RPS6KC1: variants seen among roughly 807,000 people sequenced by gnomAD.
RPS6KC1 encodes the protein inactive ribosomal protein S6 kinase delta-1.
In RPS6KC1, 54 loss-of-function variants were observed where a neutral mutation model predicts 103.8. The ratio of observed to expected loss-of-function variants is 0.52; its 90% confidence interval spans 0.42 to 0.65. The LOEUF (loss-of-function observed/expected upper bound fraction) is 0.65, where lower values mean the gene tolerates loss of function less well. Among genes scored for constraint, RPS6KC1 ranks in the 30% least tolerant of loss-of-function variants. The pLI, the probability that RPS6KC1 is intolerant of heterozygous loss-of-function variation, is 0.00. For synonymous variants in RPS6KC1, 439 were observed against 438.7 expected (o/e 1.00, Z -0.01); for missense variants, 1,151 against 1,253.8 (o/e 0.92, Z 1.24).
At chr1:213,833,365 C>T in the RPS6KC1 span, among the ~76,000 whole-genome samples, 3 of 152,242 alleles carry the variant, frequency 2.0e-5, no homozygotes, top group East Asian at 5.8e-4. Context: ...AGTATTATAC[C>T]CTCATTCTCT....
At chr1:213,401,097 A>C in the RPS6KC1 span, among the ~76,000 whole-genome samples, 22 of 152,276 alleles carry the variant, frequency 1.4e-4, no homozygotes, top group Middle Eastern at 6.8e-3. Flanking sequence ...GTCCAGGGCC[A>C]TGCTTAGAGC....
the RPS6KC1 span, among the ~76,000 whole-genome samples, chr1:213,810,096 G>A: frequency 2.0e-4 from 31 of 152,232 alleles, no homozygotes; most frequent in African/African-American, 6.7e-4. Flanking sequence ...TATCATTGCC[G>A]TTGAGAAGCC....
the RPS6KC1 span, among the ~76,000 whole-genome samples, chr1:213,824,803 A>T: frequency 1.3e-5 from 2 of 151,986 alleles, no homozygotes; most frequent in Non-Finnish European, 2.9e-5. Context: ...AGTCCATTAA[A>T]CCCCTTTTTC....
the RPS6KC1 span, among the ~76,000 whole-genome samples, chr1:213,630,948 G>C: frequency 6.6e-6 from 1 of 152,214 alleles, no homozygotes; most frequent in East Asian, 1.9e-4. Flanking sequence ...TTTTGTCTCA[G>C]AGGAGTACCT....
chr1:213,811,243 C>A, the RPS6KC1 span, among the ~76,000 whole-genome samples: 1 of 152,228 alleles, frequency 6.6e-6, no homozygotes, highest in African/African-American at 2.4e-5. Flanking sequence ...TATTCAACAT[C>A]TGTATCTGCT....
At chr1:213,440,571 T>C in the RPS6KC1 span, among the ~76,000 whole-genome samples, 2 of 137,738 alleles carry the variant, frequency 1.5e-5, no homozygotes, top group East Asian at 4.3e-4. Context: ...AAAACAACTT[T>C]AGGTGTACAT....
the RPS6KC1 span, among the ~76,000 whole-genome samples, chr1:213,396,299 T>C: frequency 2.0e-5 from 3 of 152,142 alleles, no homozygotes; most frequent in African/African-American, 7.2e-5. Context: ...AATGTGGGCA[T>C]GGTGGTGTCT....
chr1:213,237,111 G>A (rs982473023), intron 10 of RPS6KC1, among the ~76,000 whole-genome samples: 4 of 151,906 alleles, frequency 2.6e-5, no homozygotes, highest in African/African-American at 9.7e-5. Context: ...ATTGCCTTGA[G>A]CTTGCATTTT....
chr1:213,771,600 T>C, the RPS6KC1 span, among the ~76,000 whole-genome samples: 1 of 152,254 alleles, frequency 6.6e-6, no homozygotes, highest in Admixed American at 6.5e-5. Flanking sequence ...TCTGTAAATA[T>C]TGTTTCATGT....
chr1:213,223,896 C>T (rs1340108493), intron 8 of RPS6KC1, among the ~76,000 whole-genome samples: 7 of 152,172 alleles, frequency 4.6e-5, no homozygotes, highest in Non-Finnish European at 8.8e-5. Flanking sequence ...TAGAGACAGA[C>T]AGTCCCTGAA....
At chr1:213,521,478 G>A in the RPS6KC1 span, among the ~76,000 whole-genome samples, 1 of 152,112 alleles carries the variant, frequency 6.6e-6, no homozygotes, top group East Asian at 1.9e-4. Context: ...GGTGGCTGTG[G>A]CAACTTCGTA....
the RPS6KC1 span, among the ~76,000 whole-genome samples, chr1:213,536,245 A>T: frequency 1.3e-5 from 2 of 152,146 alleles, no homozygotes; most frequent in Admixed American, 1.3e-4. Flanking sequence ...AAGCGGGTGG[A>T]GGATGCTTTT....
At chr1:213,130,917 C>CT (rs986228266) in intron 6 of RPS6KC1, among the ~76,000 whole-genome samples, 61 of 146,898 alleles carry the variant, frequency 4.2e-4, no homozygotes, top group East Asian at 7.9e-4. Context: ...ATCCATCTAC[C>CT]TTTTTTTTTT....
chr1:213,324,549 A>G, the RPS6KC1 span, among the ~76,000 whole-genome samples: 1 of 148,960 alleles, frequency 6.7e-6, no homozygotes, highest in Non-Finnish European at 1.5e-5. Context: ...CAGGCCTAGC[A>G]TGCTAATACA....
chr1:213,188,082 C>T (rs1344912913), intron 8 of RPS6KC1, among the ~76,000 whole-genome samples: 1 of 152,070 alleles, frequency 6.6e-6, no homozygotes, highest in Non-Finnish European at 1.5e-5. Context: ...GATTGGGCAT[C>T]TCTGTTTGCT....
the RPS6KC1 span, among the ~76,000 whole-genome samples, chr1:213,813,791 G>A: frequency 1.3e-5 from 2 of 152,160 alleles, no homozygotes; most frequent in African/African-American, 4.8e-5. Flanking sequence ...GCAGAGGGGG[G>A]CTGCCAACAG....
chr1:213,759,078 C>T, the RPS6KC1 span, among the ~76,000 whole-genome samples: 64,163 of 151,958 alleles, frequency 0.42, 15,011 homozygotes, highest in African/African-American at 0.64. Context: ...GCGAACTTCA[C>T]TGTTGTCTTA....
chr1:213,650,368 CTAAA>C, the RPS6KC1 span, among the ~76,000 whole-genome samples: 1 of 152,106 alleles, frequency 6.6e-6, no homozygotes, highest in Admixed American at 6.5e-5. Context: ...ATGCCTTTAA[CTAAA>C]TAGTCAGCCT....
the RPS6KC1 span, among the ~76,000 whole-genome samples, chr1:213,300,115 T>C: frequency 6.6e-6 from 1 of 152,228 alleles, no homozygotes; most frequent in Non-Finnish European, 1.5e-5. Flanking sequence ...GCTAAATTCT[T>C]TTTTTCAGAT....
Sources: allele counts gnomAD v4.1 joint callset (sites outside exome capture counted in the v4.1 genomes callset), GRCh38; gene constraint gnomAD v4.1.1; transcripts MANE v1.5; gene names NCBI Gene and HGNC (gene_info 2026-07-23, HGNC 2026-07-21).